Variants in TACC2 observed in about 807,000 individuals in gnomAD.
The protein encoded by TACC2 is transforming acidic coiled-coil containing protein 2, also known as transforming acidic coiled-coil-containing protein 2.
TACC2 carries 137 observed loss-of-function variants against 227.3 expected under a neutral mutation model. The observed-to-expected ratio is 0.60, with a 90% CI of 0.52 to 0.69. The LOEUF (loss-of-function observed/expected upper bound fraction) is 0.69, where lower values mean the gene tolerates loss of function less well. Ranked by LOEUF, TACC2 falls within the 30% of genes least tolerant of loss-of-function variation. TACC2 has a pLI of 0.00. For synonymous variants in TACC2, 1,523 were observed against 1,487.5 expected (o/e 1.02, Z -0.55); for missense variants, 3,470 against 3,694.4 (o/e 0.94, Z 1.57).
chr10:122,190,267 G>C (rs929967291), intron 7 of TACC2, among the ~76,000 whole-genome samples: 1 of 152,156 alleles, frequency 6.6e-6, no homozygotes, highest in Non-Finnish European at 1.5e-5. Flanking sequence ...TAGGCTCTTA[G>C]GGTCTGCATT....
intron 16 of TACC2, among the ~76,000 whole-genome samples, chr10:122,231,031 C>T (rs888452047): frequency 1.3e-5 from 2 of 152,124 alleles, no homozygotes; most frequent in East Asian, 1.9e-4. Context: ...TGGCACTGTT[C>T]CAATAAAACT....
chr10:122,064,058 A>G (rs574100444), intron 3 of TACC2, among the ~76,000 whole-genome samples: 1 of 152,176 alleles, frequency 6.6e-6, no homozygotes, highest in East Asian at 1.9e-4. Flanking sequence ...GCTACTTGGG[A>G]GGCTGAGGCA....
At chr10:122,074,778 C>G (rs182097208) in intron 3 of TACC2, among the ~76,000 whole-genome samples, 1 of 152,276 alleles carries the variant, frequency 6.6e-6, no homozygotes, top group African/African-American at 2.4e-5. Flanking sequence ...ACTGCAGAAG[C>G]TTATCTGTGT....
intron 2 of TACC2, among the ~76,000 whole-genome samples, chr10:122,037,368 TG>T (rs1960752306): frequency 6.6e-6 from 1 of 152,228 alleles, no homozygotes; most frequent in South Asian, 2.1e-4. Context: ...AGCATTTCAC[TG>T]GGATTTGAGC....
chr10:122,030,116 C>T (rs147688333), intron 2 of TACC2, among the ~76,000 whole-genome samples: 2 of 151,716 alleles, frequency 1.3e-5, no homozygotes, highest in East Asian at 1.9e-4. Context: ...ATGTCAACAG[C>T]GCTGAGGTTG....
chr10:122,023,691 G>GC (rs1183301336), intron 2 of TACC2: 2 of 151,886 alleles, frequency 1.3e-5, no homozygotes, highest in African/African-American at 4.8e-5. Flanking sequence ...TATACCTAAT[G>GC]TAAATGACAA....
At chr10:122,233,712 A>T (rs138228774) in intron 16 of TACC2, among the ~76,000 whole-genome samples, 1 of 152,280 alleles carries the variant, frequency 6.6e-6, no homozygotes, top group Admixed American at 6.5e-5. Flanking sequence ...GAGGAGTGAC[A>T]AGGACCAGCT....
intron 5 of TACC2, among the ~76,000 whole-genome samples, chr10:122,119,342 T>G (rs964465186): frequency 2.0e-5 from 3 of 152,208 alleles, no homozygotes; most frequent in African/African-American, 7.2e-5. Flanking sequence ...CTCAGATCTA[T>G]GTCCAGAGTC....
chr10:122,232,884 A>G (rs2095786659), intron 16 of TACC2, among the ~76,000 whole-genome samples: 2 of 152,224 alleles, frequency 1.3e-5, no homozygotes, highest in South Asian at 4.1e-4. Flanking sequence ...TAGGTGACAC[A>G]GCTCTGTCAT....
intron 2 of TACC2, among the ~76,000 whole-genome samples, chr10:122,038,241 C>T (rs1273469590): frequency 6.6e-6 from 1 of 152,128 alleles, no homozygotes; most frequent in Non-Finnish European, 1.5e-5. Context: ...TGCACTCCAG[C>T]CTGGGTGACA....
At chr10:122,244,276 G>A (rs1171455350) in intron 19 of TACC2, among the ~76,000 whole-genome samples, 1 of 152,154 alleles carries the variant, frequency 6.6e-6, no homozygotes, top group Non-Finnish European at 1.5e-5. Flanking sequence ...GGTACTCTCT[G>A]GGTGGCCCCT....
intron 2 of TACC2, among the ~76,000 whole-genome samples, chr10:122,026,339 A>G (rs12771152): frequency 8.4e-5 from 12 of 142,376 alleles, no homozygotes; most frequent in African/African-American, 2.6e-4. Flanking sequence ...AAAAAAAAGT[A>G]TAATTGTGAT....
At chr10:122,096,377 A>AC (rs1370772911) in intron 5 of TACC2, among the ~76,000 whole-genome samples, 2 of 151,872 alleles carry the variant, frequency 1.3e-5, no homozygotes, top group Admixed American at 1.3e-4. Flanking sequence ...CTGCCCACAA[A>AC]CCCCCCGGTG....
At chr10:122,203,520 A>T (rs1593295082) in intron 8 of TACC2, among the ~76,000 whole-genome samples, 1 of 126,714 alleles carries the variant, frequency 7.9e-6, no homozygotes, top group African/African-American at 3.0e-5. Flanking sequence ...CACTTCTCAG[A>T]CGGGGCGGCC....
At chr10:122,104,598 T>A (rs1448670938) in intron 5 of TACC2, among the ~76,000 whole-genome samples, 1 of 152,200 alleles carries the variant, frequency 6.6e-6, no homozygotes, top group Non-Finnish European at 1.5e-5. Context: ...CTCGAACTCC[T>A]GACTCCAACT....
chr10:122,005,698 CTT>C (rs79459877), intron 1 of TACC2, among the ~76,000 whole-genome samples: 7 of 66,590 alleles, frequency 1.1e-4, no homozygotes, highest in African/African-American at 1.9e-4. Flanking sequence ...TTTTTTTTTT[CTT>C]TTTTTTTTTT....
intron 1 of TACC2, among the ~76,000 whole-genome samples, chr10:121,999,370 T>C (rs1471940333): frequency 6.6e-6 from 1 of 152,224 alleles, no homozygotes; most frequent in East Asian, 1.9e-4. Flanking sequence ...GAAAAACCAT[T>C]CCTCTGAATA....
At chr10:122,051,870 G>A (rs567629689) in intron 3 of TACC2, 1 of 149,524 alleles carries the variant, frequency 6.7e-6, no homozygotes, top group East Asian at 2.0e-4. Flanking sequence ...CTTGGGCTAT[G>A]TGGCTTTCCA....
In TACC2 at chr10:122,085,744, T is replaced by A; in HGVS notation, c.3244T>A (p.Cys1082Ser). 6.2e-7 allele frequency: 1 copy of A among 1,613,726 alleles called. No individual in the cohort carries two copies. The change falls in exon 4 of 23, where the codon TGT becomes AGT. Residue 1082 changes from cysteine to serine, a missense_variant. Physicochemically the swap from Cys to Ser is moderately radical, Grantham distance 112. Around this residue, in one of 10 missense-constraint regions of TACC2, gnomAD observed 1,924 missense variants for 1,978.3 expected, o/e 0.97. Coordinates refer to ENST00000369005, the MANE Select transcript of TACC2 (RefSeq NM_206862.4). ...CCAGGATGCCCCAGAGACAGAGGCA[T>A]GTGATGAAACCCAGGAAGGCAGGCA... ...PTQDAPETEA[C>S]DETQEGRQQP...
Sources: gnomAD v4.1 joint callset for allele counts (sites outside exome capture counted in the v4.1 genomes callset) on GRCh38, gnomAD v4.1.1 for gene constraint, gnomAD v4.1.1 regional missense constraint, MANE v1.5 for transcripts, NCBI Gene and HGNC (gene_info 2026-07-23, HGNC 2026-07-21) for gene names.